The following STXBP3 variants were observed in gnomAD, a reference collection of about 807,000 sequenced individuals.
STXBP3 encodes the protein syntaxin binding protein 3.
STXBP3 carries 41 observed loss-of-function variants against 85.7 expected under a neutral mutation model. The observed-to-expected ratio is 0.48, with a 90% CI of 0.37 to 0.62. The LOEUF (loss-of-function observed/expected upper bound fraction) is 0.62, where lower values mean the gene tolerates loss of function less well. Ranked by LOEUF, STXBP3 falls within the 20% of genes least tolerant of loss-of-function variation. The probability of loss-of-function intolerance (pLI) is 0.00; values close to 1 mark genes in which losing one functional copy is unlikely to be tolerated. For synonymous variants in STXBP3, 229 were observed against 231.7 expected (o/e 0.99, Z 0.10); for missense variants, 563 against 703.1 (o/e 0.80, Z 2.25).
intron 6 of STXBP3, among the ~76,000 whole-genome samples, chr1:108,760,964 C>T (rs146174728): frequency 0.027 from 4,117 of 152,028 alleles, 204 homozygotes; most frequent in African/African-American, 0.093. Flanking sequence ...AGTGCAATGG[C>T]GCAATCTTGG....
intron 11 of STXBP3, among the ~76,000 whole-genome samples, chr1:108,788,228 T>A (rs1339388508): frequency 6.6e-6 from 1 of 152,258 alleles, no homozygotes; most frequent in Non-Finnish European, 1.5e-5. Flanking sequence ...AAGTAACCAT[T>A]TCTAGAATAA....
At chr1:108,806,699 G>A (rs540568936) in intron 17 of STXBP3, among the ~76,000 whole-genome samples, 2 of 152,136 alleles carry the variant, frequency 1.3e-5, no homozygotes, top group African/African-American at 4.8e-5. Flanking sequence ...CAGCTCCAAA[G>A]TATTACTTGC....
At chr1:108,748,164 C>G (rs1661831748) in intron 1 of STXBP3, among the ~76,000 whole-genome samples, 1 of 152,074 alleles carries the variant, frequency 6.6e-6, no homozygotes, top group Non-Finnish European at 1.5e-5. Flanking sequence ...TGTTGCTTCA[C>G]AATCTCGTAA....
chr1:108,782,489 C>T lies in STXBP3; in HGVS notation c.877C>T (p.Arg293Ter), dbSNP rs145844557. 7 of 1,613,268 alleles carry T rather than the reference C, an allele frequency of 4.3e-6. No homozygotes were observed. Among genetic ancestry groups the T allele is most frequent in the African/African-American group, 1.3e-5 (1 of 74,862 alleles). Residue 293 changes from arginine to a stop codon, truncating the protein, a stop_gained, in exon 10 of 19, where the codon CGA (arginine) becomes TGA (stop). Transcript: ENST00000370008. LOFTEE classifies it high-confidence loss of function. ...EEEDDLWVRI[R>*]HRHIAVVLEE... ...AGAAGATGACCTCTGGGTTAGAATT[C>T]GACATCGACATATTGCGGTTGTGTT...
At chr1:108,808,007 T>TG (rs1663380104) in intron 18 of STXBP3, among the ~76,000 whole-genome samples, 1 of 152,262 alleles carries the variant, frequency 6.6e-6, no homozygotes, top group Non-Finnish European at 1.5e-5. Flanking sequence ...TCTGATGTGC[T>TG]GGAGTTTTTT....
chr1:108,807,612 T>C (rs1663368425), intron 18 of STXBP3, 63 bp downstream of exon 18: 1 of 1,512,060 alleles, frequency 6.6e-7, no homozygotes, highest in African/African-American at 1.4e-5. Flanking sequence ...GTCTCGGTCT[T>C]GTCCCCCAGG....
At chr1:108,749,056 T>G (rs1443238495) in intron 1 of STXBP3, among the ~76,000 whole-genome samples, 1 of 152,094 alleles carries the variant, frequency 6.6e-6, no homozygotes, top group Non-Finnish European at 1.5e-5. Flanking sequence ...TGGATTGAAA[T>G]AGCAAAGGTG....
At chr1:108,783,062 G>T (rs898752483) in intron 11 of STXBP3, among the ~76,000 whole-genome samples, 4 of 152,144 alleles carry the variant, frequency 2.6e-5, no homozygotes, top group African/African-American at 9.7e-5. Context: ...ACTAATTTTT[G>T]TATTTTTAGT....
chr1:108,756,656 T>C, intron 3 of STXBP3, 34 bp from the exon 4 acceptor site: 1 of 1,265,092 alleles, frequency 7.9e-7, no homozygotes, highest in Non-Finnish European at 1.1e-6. Context: ...TATATAAATA[T>C]TTGGTTATAT....
At chr1:108,753,462 G>C (rs947180064) in intron 3 of STXBP3, among the ~76,000 whole-genome samples, 5 of 151,690 alleles carry the variant, frequency 3.3e-5, no homozygotes, top group African/African-American at 1.2e-4. Flanking sequence ...TCAGTATTTT[G>C]ATTTAGTTTA....
chr1:108,769,269 GGATT>G, intron 6 of STXBP3, among the ~76,000 whole-genome samples: 1 of 152,186 alleles, frequency 6.6e-6, no homozygotes, highest in South Asian at 2.1e-4. Context: ...GGAAGCGGAG[GGATT>G]GATCTTGCTG....
intron 11 of STXBP3, among the ~76,000 whole-genome samples, chr1:108,792,997 G>T (rs535962917): frequency 1.2e-4 from 19 of 152,132 alleles, no homozygotes; most frequent in African/African-American, 4.6e-4. Flanking sequence ...CCCAGAAGTT[G>T]TTCTTTACTA....
chr1:108,800,595 C>G (rs1663213996), intron 17 of STXBP3, among the ~76,000 whole-genome samples: 1 of 152,144 alleles, frequency 6.6e-6, no homozygotes, highest in Non-Finnish European at 1.5e-5. Context: ...GTACTTTAAA[C>G]ATTTAAAAAG....
intron 11 of STXBP3, among the ~76,000 whole-genome samples, chr1:108,783,183 A>C (rs1007054468): frequency 6.6e-6 from 1 of 152,196 alleles, no homozygotes; most frequent in Admixed American, 6.5e-5. Flanking sequence ...CCTGGCCATA[A>C]AGTTTATTTT....
intron 7 of STXBP3, among the ~76,000 whole-genome samples, chr1:108,773,349 ATGT>A (rs1399070181): frequency 1.3e-5 from 2 of 152,170 alleles, no homozygotes; most frequent in African/African-American, 2.4e-5. Flanking sequence ...CTCACTTAAA[ATGT>A]TGTTGATAGG....
At chr1:108,765,561 C>G (rs1662242727) in intron 6 of STXBP3, among the ~76,000 whole-genome samples, 1 of 140,920 alleles carries the variant, frequency 7.1e-6, no homozygotes, top group African/African-American at 2.6e-5. Context: ...TAAAAAGCAC[C>G]ACATGCTAAT....
At chr1:108,751,618 G>A (rs1661908627) in intron 1 of STXBP3, among the ~76,000 whole-genome samples, 1 of 151,694 alleles carries the variant, frequency 6.6e-6, no homozygotes. Context: ...ACATAGTGTG[G>A]GAAATTGTTT....
chr1:108,793,454 CA>C, intron 11 of STXBP3, 127 bp from the exon 12 acceptor site: 10 of 739,532 alleles, frequency 1.4e-5, no homozygotes, highest in Admixed American at 3.2e-5. Flanking sequence ...ATTCTTCTTT[CA>C]AAAAAATTGT....
At chr1:108,769,500 A>T (rs937472531) in intron 6 of STXBP3, among the ~76,000 whole-genome samples, 1 of 152,196 alleles carries the variant, frequency 6.6e-6, no homozygotes, top group Non-Finnish European at 1.5e-5. Context: ...AGTAGAGAGG[A>T]TACTAGAAGG....
Sources: gnomAD v4.1 joint callset for allele counts (sites outside exome capture counted in the v4.1 genomes callset) on GRCh38, gnomAD v4.1.1 for gene constraint, MANE v1.5 for transcripts, NCBI Gene and HGNC (gene_info 2026-07-23, HGNC 2026-07-21) for gene names.